Variants in CCDC69 observed in about 807,000 individuals in gnomAD.
CCDC69 encodes the protein coiled-coil domain containing 69.
In CCDC69, 38 loss-of-function variants were observed where a neutral mutation model predicts 40.3. That is an observed-to-expected ratio of 0.94 (90% CI 0.73 to 1.24). The LOEUF is 1.24. CCDC69 is among the 50% of genes most tolerant of loss of function. The pLI, the probability that CCDC69 is intolerant of heterozygous loss-of-function variation, is 0.00. For missense variants in CCDC69, 389 were observed against 357.9 expected, an observed-to-expected ratio of 1.09 and a Z score of -0.70; for synonymous variants, 141 against 138.9, an observed-to-expected ratio of 1.02 and a Z score of -0.11.
rs767625575 is a variant in CCDC69, at chr5:151,183,599, G to A, written c.729C>T (p.Asp243=). ...CCAGGGCCTCACGCGTGAGAAGCAGGTCTTCTGACAGCTGCCTGTGGATGC... is the reference window on the plus strand; with the variant it reads ...CCAGGGCCTCACGCGTGAGAAGCAGATCTTCTGACAGCTGCCTGTGGATGC... The part of the protein sequence containing the change: ...QVVLSRQLSE[D]LLLTREALEK... Residue 243 remains aspartate (D), a synonymous_variant, in exon 9 of 9, where the codon GAC becomes GAT. Coordinates refer to ENST00000355417, the MANE Select transcript of CCDC69 (RefSeq NM_015621.3). 2 of 1,610,520 alleles carry A rather than the reference G, an allele frequency of 1.2e-6. No homozygotes were observed. The highest frequency in any genetic ancestry group is 1.7e-6 in the Non-Finnish European group (2 of 1,178,304).
intron 4 of CCDC69, chr5:151,198,783 G>A (rs1224069235): frequency 2.2e-6 from 1 of 457,672 alleles, no homozygotes; most frequent in Non-Finnish European, 3.9e-6. Flanking sequence ...CTCAAATAAG[G>A]AAAAAGAAAG....
At chr5:151,195,718 CAAAAAAA>C (rs765505789) in intron 4 of CCDC69, among the ~76,000 whole-genome samples, 1 of 60,496 alleles carries the variant, frequency 1.7e-5, no homozygotes, top group Non-Finnish European at 2.9e-5. Flanking sequence ...GACTCCATCT[CAAAAAAA>C]AAAAAAAAAA....
chr5:151,189,655 C>T (rs1295914615), intron 4 of CCDC69, among the ~76,000 whole-genome samples: 1 of 152,012 alleles, frequency 6.6e-6, no homozygotes, highest in Non-Finnish European at 1.5e-5. Flanking sequence ...CACTGAACTC[C>T]AAAGTAAGCC....
chr5:151,211,460 C>T (rs978531420), intron 1 of CCDC69, among the ~76,000 whole-genome samples: 1 of 151,182 alleles, frequency 6.6e-6, no homozygotes, highest in Non-Finnish European at 1.5e-5. Context: ...GCTTGCTTAA[C>T]ACGAATGTCC....
In CCDC69 at chr5:151,185,543, T is replaced by G. The variant is rs1752495614; in HGVS notation, c.496-2A>C. 1 of 1,613,804 alleles carries G rather than the reference T, an allele frequency of 6.2e-7. No individual in the cohort carries two copies. The highest frequency in any genetic ancestry group is 1.1e-5 in the South Asian group (1 of 91,076). On this transcript the variant is annotated splice_acceptor_variant, in intron 6 of 8. Transcript: ENST00000355417. LOFTEE classifies it high-confidence loss of function. ...GAACTGGCTGGGGCTCCCATAATCC[T>G]AGACAGGGACAGAGTGACCTCATTA...
intron 4 of CCDC69, among the ~76,000 whole-genome samples, chr5:151,190,658 T>C (rs367968048): frequency 1.1e-3 from 92 of 82,978 alleles, no homozygotes; most frequent in African/African-American, 5.1e-3. Context: ...AGAGCAAGAC[T>C]CTGTCTCAAA....
chr5:151,205,563 G>A (rs1324805818), intron 1 of CCDC69, 88 bp from the exon 2 acceptor site: 14 of 1,101,658 alleles, frequency 1.3e-5, no homozygotes, highest in Non-Finnish European at 1.9e-5. Context: ...TCTTCCAAAG[G>A]CAAGGCAGGA....
At chr5:151,186,817 C>T (rs1307223252) in intron 5 of CCDC69, among the ~76,000 whole-genome samples, 1 of 152,184 alleles carries the variant, frequency 6.6e-6, no homozygotes, top group Non-Finnish European at 1.5e-5. Flanking sequence ...CACTCTGGCC[C>T]TTGCTCACGT....
intron 4 of CCDC69, among the ~76,000 whole-genome samples, chr5:151,197,490 T>G (rs10059578): frequency 0.28 from 42,918 of 151,972 alleles, 6,507 homozygotes; most frequent in African/African-American, 0.39. Context: ...GCCACTGTAC[T>G]CCAGCCTGGG....
At chr5:151,192,697 T>C (rs1160475887) in intron 4 of CCDC69, among the ~76,000 whole-genome samples, 4 of 152,172 alleles carry the variant, frequency 2.6e-5, no homozygotes, top group Non-Finnish European at 5.9e-5. Flanking sequence ...TAAAACCAGA[T>C]AGTGTAAGAA....
chr5:151,196,025 T>A (rs1752695136), intron 4 of CCDC69, among the ~76,000 whole-genome samples: 1 of 152,262 alleles, frequency 6.6e-6, no homozygotes, highest in African/African-American at 2.4e-5. Context: ...CCATGTACTT[T>A]ACGGTCTTGC....
At chr5:151,212,936 C>G (rs769340691) in intron 1 of CCDC69, 2 of 455,368 alleles carry the variant, frequency 4.4e-6, no homozygotes, top group Non-Finnish European at 8.8e-6. Context: ...GAAGTGAGCG[C>G]TCCATCATTA....
At chr5:151,198,954 G>T in intron 4 of CCDC69, 43 bp downstream of exon 4, 1 of 1,493,538 alleles carries the variant, frequency 6.7e-7, no homozygotes, top group Non-Finnish European at 9.3e-7. Flanking sequence ...CCAGAAGGAA[G>T]CACCCCCCAC....
At chr5:151,205,580 G>A in intron 1 of CCDC69, 105 bp from the exon 2 acceptor site, 1 of 910,586 alleles carries the variant, frequency 1.1e-6, no homozygotes, top group Non-Finnish European at 1.8e-6. Flanking sequence ...AGGACCTTCA[G>A]TTACACCAGA....
rs1244449022 is a variant in CCDC69 at position 151,185,243 on chromosome 5, C to T, written c.615+179G>A. 3 of 624,504 alleles carry T rather than the reference C, an allele frequency of 4.8e-6. No individual in the cohort carries two copies. In the African/African-American group the frequency reaches 5.5e-5, roughly 12 times the overall value. The allele number at this position is 624,504 out of a possible 1,614,324, so 38.7% of individuals were successfully genotyped here. A position where few individuals can be genotyped will look rare whatever the true frequency, so the allele number is the denominator to read the frequency against. ...ACAGGACTCAGATGATAAGGAGCCA[C>T]TGCTTGACCCAGCCTGGCCACAGAC... On this transcript the variant is annotated intron_variant, in intron 7 of 8. Coordinates refer to ENST00000355417, the MANE Select transcript of CCDC69 (RefSeq NM_015621.3).
At chr5:151,183,637 G>C (rs1766677840) in intron 8 of CCDC69, 23 bp from the exon 9 acceptor site, 3 of 1,586,160 alleles carry the variant, frequency 1.9e-6, no homozygotes, top group Non-Finnish European at 2.6e-6. Context: ...ACAGAGCCCA[G>C]GGTTGCCTAC....
intron 1 of CCDC69, among the ~76,000 whole-genome samples, chr5:151,207,934 T>C (rs1255052047): frequency 1.3e-5 from 2 of 152,048 alleles, no homozygotes; most frequent in Non-Finnish European, 2.9e-5. Flanking sequence ...ATGTTCTAGA[T>C]TCAATTTTAA....
chr5:151,200,866 G>A (rs1174338555), intron 3 of CCDC69, among the ~76,000 whole-genome samples: 4 of 152,136 alleles, frequency 2.6e-5, no homozygotes, highest in African/African-American at 9.7e-5. Flanking sequence ...TTGGTTAAGG[G>A]TTCTATTATG....
rs574919030 is a variant in CCDC69, at chr5:151,187,292, G to A, written c.393+94C>T. On this transcript the variant is annotated intron_variant, in intron 5 of 8. Transcript: ENST00000355417. ...CTCAGCCCCTCACTCCTAGGCACAC[G>A]TAATCAGTTTTGGCTGCCTTGGGGC... The A allele has an allele frequency of 1.0e-4, 109 of 1,053,246 alleles. No homozygotes were observed. In the East Asian group the frequency reaches 2.1e-3, roughly 20 times the overall value. 65.2% of individuals were successfully genotyped at this position (1,053,246 alleles called of 1,614,324 possible).
Sources: gnomAD v4.1 joint callset for allele counts (sites outside exome capture counted in the v4.1 genomes callset) on GRCh38, gnomAD v4.1.1 for gene constraint, MANE v1.5 for transcripts, NCBI Gene and HGNC (gene_info 2026-07-23, HGNC 2026-07-21) for gene names.